Variants in TRMU observed in about 807,000 individuals in gnomAD.
TRMU encodes mitochondrial tRNA-specific 2-thiouridylase 1.
In TRMU, 49 loss-of-function variants were observed where a neutral mutation model predicts 46.9. That is an observed-to-expected ratio of 1.05 (90% confidence interval 0.83 to 1.33). The LOEUF (loss-of-function observed/expected upper bound fraction) is 1.33. TRMU is among the 40% of genes most tolerant of loss of function. The probability of loss-of-function intolerance (pLI) is 0.00; values close to 1 mark genes in which losing one functional copy is unlikely to be tolerated. For missense variants in TRMU, 572 were observed against 532.4 expected, an observed-to-expected ratio of 1.07 and a Z score of -0.73; for synonymous variants, 241 against 200.9, an observed-to-expected ratio of 1.20 and a Z score of -1.69.
At position 46,349,197 on chromosome 22, in the gene TRMU, T is replaced by C. The variant is rs1037621109; in HGVS notation, c.479-1094T>C. Among the ~76,000 whole-genome samples the C allele has an allele frequency of 8.6e-5, 13 of 151,144 alleles. No homozygotes were observed. The highest frequency in any genetic ancestry group is 1.9e-4 in the Non-Finnish European group (13 of 67,906). On this transcript the variant is annotated intron_variant, in intron 4 of 10. Transcript: ENST00000645190. The surrounding 1 kb of genome is among the most constrained non-coding windows in gnomAD (Gnocchi z 4.6). ...TCTGCTTCCGTGGCGACTGGTCGGC[T>C]GAACTTGGTCTCACTTGTCACTCAG...
rs1049960791 is a variant in TRMU, at chr22:46,351,547, T to G, written c.652-574T>G. 3 of 191,516 alleles carry G rather than the reference T, an allele frequency of 1.6e-5. No homozygotes were observed. The highest frequency in any genetic ancestry group is 1.1e-4 in the Admixed American group (2 of 18,810). The allele number at this position is 191,516 out of a possible 1,614,324, so 11.9% of individuals were successfully genotyped here. On this transcript the variant is annotated intron_variant, in intron 5 of 10. Coordinates refer to ENST00000645190, the MANE Select transcript of TRMU (RefSeq NM_018006.5). This position sits in a 1 kb window ranked among gnomAD's most constrained non-coding sequence, Gnocchi z 6.4. ...CCCACCGCCCGTCCTCCTCTCCTCT[T>G]GTTTTCCGTTTCCGGTGTCGCTCTG... is the stretch of plus-strand genomic sequence containing the variant.
At position 46,351,230 on chromosome 22, in the gene TRMU, T is replaced by TG. The variant is rs1298893293; in HGVS notation, c.651+772dup. 6.6e-6 allele frequency among the ~76,000 whole-genome samples: 1 copy of TG among 152,134 alleles called. No individual in the cohort carries two copies. Among genetic ancestry groups the TG allele is most frequent in the African/African-American group, 2.4e-5 (1 of 41,420 alleles). ...GCGAGGAGAAGCCAGGGAGCCGCTG[T>TG]GGGGGTGCCTGCCTGTGGCCCCAGC... On this transcript the variant is annotated intron_variant, in intron 5 of 10. Coordinates refer to ENST00000645190, the MANE Select transcript of TRMU (RefSeq NM_018006.5). This position sits in a 1 kb window ranked among gnomAD's most constrained non-coding sequence, Gnocchi z 6.4.
rs146811418 is a variant in TRMU, at chr22:46,351,180, G to C, written c.651+717G>C. On this transcript the variant is annotated intron_variant, in intron 5 of 10. Coordinates refer to ENST00000645190, the MANE Select transcript of TRMU (RefSeq NM_018006.5). The surrounding 1 kb of genome is among the most constrained non-coding windows in gnomAD (Gnocchi z 6.4). ...AGAGGGCTGGGAAAGTCCAGATGAGGGAACGGCAGTGCAAAGGCCTTGAGG... is the reference window on the plus strand; with the variant it reads ...AGAGGGCTGGGAAAGTCCAGATGAGCGAACGGCAGTGCAAAGGCCTTGAGG... Among the ~76,000 whole-genome samples the C allele has an allele frequency of 2.2e-3, 336 of 152,292 alleles. 4 individuals are homozygous for C. The Middle Eastern group carries it at 0.027, about 12-fold the overall frequency.
chr22:46,340,152 G>C (rs2078083478), intron 2 of TRMU, among the ~76,000 whole-genome samples: 1 of 152,156 alleles, frequency 6.6e-6, no homozygotes, highest in African/African-American at 2.4e-5. Context: ...CCGAGGTCTG[G>C]GGGCGGCCCT....
rs2078362188 is a variant in TRMU, at chr22:46,349,905, C to T, written c.479-386C>T. 6.6e-6 allele frequency among the ~76,000 whole-genome samples: 1 copy of T among 151,958 alleles called. No homozygotes were observed. The highest frequency in any genetic ancestry group is 2.1e-4 in the South Asian group (1 of 4,826). ...GGTTGTTGGAAGAAGGCACAGCTGA[C>T]ACTATATCAGTGGAATTTTCTGCCA... On this transcript the variant is annotated intron_variant, in intron 4 of 10. Coordinates refer to ENST00000645190, the MANE Select transcript of TRMU (RefSeq NM_018006.5). This position sits in a 1 kb window ranked among gnomAD's most constrained non-coding sequence, Gnocchi z 4.6.
rs574751732 is a variant in TRMU, at chr22:46,350,113, T to C, written c.479-178T>C. On this transcript the variant is annotated intron_variant, in intron 4 of 10. Transcript: ENST00000645190. The surrounding 1 kb of genome is among the most constrained non-coding windows in gnomAD (Gnocchi z 4.6). ...AAATCCTTGTTTTTTTTTTTGGAGG[T>C]GCGAATTTTTCTTACATTAACCCGT... Among the ~76,000 whole-genome samples the C allele has an allele frequency of 5.3e-5, 8 of 150,844 alleles. No individual in the cohort carries two copies. Among genetic ancestry groups the C allele is most frequent in the African/African-American group, 2.0e-4 (8 of 40,926 alleles).
chr22:46,355,049 C>T, intron 8 of TRMU: 1 of 300,648 alleles, frequency 3.3e-6, no homozygotes, highest in South Asian at 3.5e-5. Flanking sequence ...GAGAGAAGAG[C>T]CCGTGGTGTG....
Position 46,335,730 on chromosome 22 carries a change from G to C in TRMU, c.-35G>C. On this transcript the variant is annotated 5_prime_UTR_variant, in exon 1 of 11. Transcript: ENST00000645190. ...ACTTCCGGCAAGGCGCGGAAGCGGC[G>C]GTAGCTGCAGCTGGCGAAGTTGGGC... 3.2e-6 allele frequency: 5 copies of C among 1,540,878 alleles called. No individual in the cohort carries two copies. The South Asian group carries it at 4.8e-5, about 15-fold the overall frequency.
intron 3 of TRMU, among the ~76,000 whole-genome samples, chr22:46,344,832 G>A (rs1231454605): frequency 1.3e-5 from 2 of 152,220 alleles, no homozygotes; most frequent in Non-Finnish European, 2.9e-5. Flanking sequence ...CAGATGTAAA[G>A]TGGATTGTTT....
Position 46,350,199 on chromosome 22 carries a change from G to A in TRMU, c.479-92G>A. ...GATGTCTGCCTCTGACAGGCTAGGG[G>A]TAGTCTGTCTAAGTGAACAGAAGGA... On this transcript the variant is annotated intron_variant, in intron 4 of 10. Coordinates refer to ENST00000645190, the MANE Select transcript of TRMU (RefSeq NM_018006.5). The surrounding 1 kb of genome is among the most constrained non-coding windows in gnomAD (Gnocchi z 4.6). 5 of 1,464,948 alleles carry A rather than the reference G, an allele frequency of 3.4e-6. No individual in the cohort carries two copies. The Middle Eastern group carries it at 6.9e-4, about 203-fold the overall frequency. The allele number at this position is 1,464,948 out of a possible 1,614,324, so 90.7% of individuals were successfully genotyped here.
chr22:46,350,336 T>C lies in TRMU; in HGVS notation c.524T>C (p.Phe175Ser), dbSNP rs747567710. The C allele has an allele frequency of 1.2e-5, 19 of 1,614,122 alleles. No homozygotes were observed. The highest frequency in any genetic ancestry group is 2.2e-5 in the East Asian group (1 of 44,896). ...GCTGACAGCTTTAAAGACCAGACCTTCTTTCTCAGCCAGGTTTCCCAGGAT... is the reference window on the plus strand; with the variant it reads ...GCTGACAGCTTTAAAGACCAGACCTCCTTTCTCAGCCAGGTTTCCCAGGAT... Reference protein sequence around the residue: ...QAADSFKDQTFFLSQVSQDAL... With the variant: ...QAADSFKDQTSFLSQVSQDAL... The change falls in exon 5 of 11, where the codon TTC becomes TCC. Residue 175 changes from phenylalanine (F) to serine (S), a missense_variant. Coordinates refer to ENST00000645190, the MANE Select transcript of TRMU (RefSeq NM_018006.5). The surrounding 1 kb of genome is among the most constrained non-coding windows in gnomAD (Gnocchi z 4.6).
At chr22:46,353,521 G>A (rs1601983437) in intron 7 of TRMU, 1 of 437,288 alleles carries the variant, frequency 2.3e-6, no homozygotes, top group African/African-American at 2.0e-5. Context: ...GCACCTTCTG[G>A]GGCACAAGGT....
At chr22:46,352,836 G>A (rs2078475322) in intron 7 of TRMU, 1 of 262,504 alleles carries the variant, frequency 3.8e-6, no homozygotes, top group Non-Finnish European at 7.5e-6. Flanking sequence ...TGGTGTCAGG[G>A]GACAGGCTCC....
At position 46,350,388 on chromosome 22, in the gene TRMU, G is replaced by C. The variant is rs1319509730; in HGVS notation, c.576G>C (p.Leu192=). The C allele has an allele frequency of 6.8e-6, 11 of 1,613,630 alleles. No homozygotes were observed. Among genetic ancestry groups the C allele is most frequent in the African/African-American group, 1.3e-5 (1 of 74,914 alleles). Reference sequence around the variant, plus strand: ...CCCTGAGGAGAACCATCTTCCCTCTGGGGGGATTAACGAAAGAGTTTGTAA... The same window carrying C: ...CCCTGAGGAGAACCATCTTCCCTCTCGGGGGATTAACGAAAGAGTTTGTAA... The part of the protein sequence containing the change: ...QDALRRTIFP[L]GGLTKEFVKK... Residue 192 remains leucine, a synonymous_variant, in exon 5 of 11, where the codon CTG becomes CTC. Coordinates refer to ENST00000645190, the MANE Select transcript of TRMU (RefSeq NM_018006.5). This position sits in a 1 kb window ranked among gnomAD's most constrained non-coding sequence, Gnocchi z 4.6.
chr22:46,337,318 T>C (rs1224635126), intron 1 of TRMU, among the ~76,000 whole-genome samples: 2 of 152,168 alleles, frequency 1.3e-5, no homozygotes, highest in Non-Finnish European at 2.9e-5. Flanking sequence ...AGAAAATAGG[T>C]CATAAACTAG....
rs1257791415 is a variant in TRMU, at chr22:46,342,131, A to G, written c.249-1131A>G. 3.9e-5 allele frequency among the ~76,000 whole-genome samples: 6 copies of G among 152,222 alleles called. No individual in the cohort carries two copies. Among genetic ancestry groups the G allele is most frequent in the Admixed American group, 3.9e-4 (6 of 15,290 alleles). ...GCTGGATCCCAAAGGTTGGGGGTTC[A>G]GTCCCCCAGACGGACTCCCCCCACA... On this transcript the variant is annotated intron_variant, in intron 2 of 10. Coordinates refer to ENST00000645190, the MANE Select transcript of TRMU (RefSeq NM_018006.5). The surrounding 1 kb of genome is among the most constrained non-coding windows in gnomAD (Gnocchi z 4.7).
chr22:46,345,151 A>G (rs1350410990), intron 3 of TRMU, among the ~76,000 whole-genome samples: 1 of 150,846 alleles, frequency 6.6e-6, no homozygotes, highest in South Asian at 2.1e-4. Context: ...GCTCACTGCA[A>G]CCTCCACCTC....
chr22:46,345,696 G>A (rs8137590), intron 3 of TRMU, among the ~76,000 whole-genome samples: 7,063 of 151,952 alleles, frequency 0.046, 513 homozygotes, highest in African/African-American at 0.15. Context: ...TCTCTGTAAG[G>A]ACCCCCATTG....
At position 46,356,684 on chromosome 22, in the gene TRMU, T is replaced by C. The variant is rs1602002215; in HGVS notation, c.1102-158T>C. ...TGGGTGCCCCAGGCCTCTCCTCTCC[T>C]GTTCAGCAGCAGCAGCAGCAGCAAA... On this transcript the variant is annotated intron_variant, in intron 10 of 10. Transcript: ENST00000645190. 13 of 873,028 alleles carry C rather than the reference T, an allele frequency of 1.5e-5. No homozygotes were observed. The East Asian group carries it at 3.2e-4, about 21-fold the overall frequency. The allele number at this position is 873,028 out of a possible 1,614,324, so 54.1% of individuals were successfully genotyped here. A position where few individuals can be genotyped will look rare whatever the true frequency, so the allele number is the denominator to read the frequency against.
Sources: allele counts gnomAD v4.1 joint callset (sites outside exome capture counted in the v4.1 genomes callset), GRCh38; gene constraint gnomAD v4.1.1; non-coding constraint Gnocchi (gnomAD v3.1); transcripts MANE v1.5; gene names NCBI Gene and HGNC (gene_info 2026-07-23, HGNC 2026-07-21).